ADAMTSL1: variants seen among roughly 807,000 people sequenced by gnomAD.
The protein encoded by ADAMTSL1 is ADAMTS-like protein 1.
A neutral mutation model predicts 201.8 loss-of-function variants in ADAMTSL1; 126 were observed. The observed-to-expected ratio is 0.62, with a 90% CI of 0.54 to 0.72. The LOEUF (loss-of-function observed/expected upper bound fraction) is 0.72, where lower values mean the gene tolerates loss of function less well. ADAMTSL1 is among the 30% of genes least tolerant of loss of function. The pLI is 0.00. For missense variants in ADAMTSL1, 2,679 were observed against 2,277.8 expected (o/e 1.18, Z -3.59); for synonymous variants, 1,121 against 903.4 (o/e 1.24, Z -4.32).
chr9:17,949,038 A>T (rs1827624901), intron 1 of ADAMTSL1, among the ~76,000 whole-genome samples: 1 of 152,204 alleles, frequency 6.6e-6, no homozygotes, highest in African/African-American at 2.4e-5. Flanking sequence ...TGTAAGAGGG[A>T]TATAGTGGCC....
intron 15 of ADAMTSL1, among the ~76,000 whole-genome samples, chr9:18,752,701 C>T (rs1388393307): frequency 1.3e-5 from 2 of 152,216 alleles, no homozygotes; most frequent in Non-Finnish European, 2.9e-5. Context: ...CACTTTACTT[C>T]CCTTCAAAAA....
At chr9:18,209,584 C>T (rs186001988) in intron 2 of ADAMTSL1, among the ~76,000 whole-genome samples, 1 of 152,160 alleles carries the variant, frequency 6.6e-6, no homozygotes, top group Admixed American at 6.5e-5. Context: ...AGTAAACCAC[C>T]TGAATTCAGT....
intron 1 of ADAMTSL1, among the ~76,000 whole-genome samples, chr9:17,912,946 CT>C (rs901574951): frequency 1.3e-5 from 2 of 152,130 alleles, no homozygotes; most frequent in African/African-American, 4.8e-5. Context: ...GTAGGGAATC[CT>C]TTCCCCATTG....
At chr9:18,035,334 C>T (rs1447081304) in intron 1 of ADAMTSL1, among the ~76,000 whole-genome samples, 1 of 152,140 alleles carries the variant, frequency 6.6e-6, no homozygotes, top group Non-Finnish European at 1.5e-5. Context: ...TGATGTGCTT[C>T]AATTGAAGTG....
chr9:18,692,626 CAT>C (rs1204349217), intron 13 of ADAMTSL1, among the ~76,000 whole-genome samples: 5 of 152,126 alleles, frequency 3.3e-5, no homozygotes, highest in Admixed American at 1.3e-4. Context: ...CTTTGCCAAA[CAT>C]GTTGAATTAA....
intron 2 of ADAMTSL1, among the ~76,000 whole-genome samples, chr9:18,219,107 A>G (rs1298661487): frequency 2.0e-5 from 3 of 151,670 alleles, no homozygotes; most frequent in African/African-American, 4.8e-5. Flanking sequence ...ACTGGTGCCA[A>G]TATTACATTT....
At chr9:18,286,562 G>GAAACACATTTCTTTTTAGTCT (rs1563858992) in intron 2 of ADAMTSL1, among the ~76,000 whole-genome samples, 4 of 126,720 alleles carry the variant, frequency 3.2e-5, no homozygotes, top group South Asian at 6.1e-4. Context: ...TGTTTCTATA[G>GAAACACATTTCTTTTTAGTCT]CAGTTTATGG....
chr9:18,072,724 G>T (rs1013137732), intron 1 of ADAMTSL1, among the ~76,000 whole-genome samples: 3 of 152,126 alleles, frequency 2.0e-5, no homozygotes, highest in Admixed American at 6.5e-5. Context: ...TTTTTGTAGG[G>T]CCCACTTCGT....
chr9:18,764,972 C>CAAT (rs1334631295), intron 16 of ADAMTSL1, among the ~76,000 whole-genome samples: 1 of 152,144 alleles, frequency 6.6e-6, no homozygotes, highest in Non-Finnish European at 1.5e-5. Context: ...CTCTATAGTA[C>CAAT]AATTTTATTA....
chr9:18,289,329 G>C (rs1223223524), intron 2 of ADAMTSL1, among the ~76,000 whole-genome samples: 1 of 152,108 alleles, frequency 6.6e-6, no homozygotes, highest in Non-Finnish European at 1.5e-5. Context: ...TGAGTTTGGA[G>C]GGCTAAGAAG....
chr9:18,532,608 C>T (rs1439695735), intron 2 of ADAMTSL1, among the ~76,000 whole-genome samples: 1 of 151,662 alleles, frequency 6.6e-6, no homozygotes, highest in African/African-American at 2.4e-5. Context: ...AAACAGGCTA[C>T]AAAATTGCGT....
intron 2 of ADAMTSL1, among the ~76,000 whole-genome samples, chr9:18,279,655 A>G (rs1359553316): frequency 6.6e-6 from 1 of 152,066 alleles, no homozygotes; most frequent in Non-Finnish European, 1.5e-5. Flanking sequence ...CACAACTTAG[A>G]TAATTCAAAA....
intron 7 of ADAMTSL1, among the ~76,000 whole-genome samples, chr9:18,648,157 C>G (rs1229922884): frequency 1.4e-5 from 2 of 141,918 alleles, no homozygotes; most frequent in African/African-American, 2.5e-5. Flanking sequence ...TTCTTTGTCT[C>G]TTTTGATCTT....
At chr9:18,866,400 C>G (rs1161660814) in intron 23 of ADAMTSL1, among the ~76,000 whole-genome samples, 1 of 152,094 alleles carries the variant, frequency 6.6e-6, no homozygotes, top group African/African-American at 2.4e-5. Context: ...ATTCTGAACA[C>G]AAAGTTTTTA....
At chr9:18,327,928 G>A (rs1038172145) in intron 2 of ADAMTSL1, among the ~76,000 whole-genome samples, 1 of 152,028 alleles carries the variant, frequency 6.6e-6, no homozygotes, top group African/African-American at 2.4e-5. Flanking sequence ...ATTTAAGATG[G>A]TTTTCCTGTT....
chr9:18,579,442 A>C (rs898883306), intron 4 of ADAMTSL1, among the ~76,000 whole-genome samples: 4 of 151,414 alleles, frequency 2.6e-5, no homozygotes, highest in Admixed American at 6.6e-5. Context: ...ACATGTATAC[A>C]TATGTAACTA....
chr9:18,110,039 C>T (rs549861), intron 1 of ADAMTSL1, among the ~76,000 whole-genome samples: 20,739 of 152,224 alleles, frequency 0.14, 1,482 homozygotes, highest in East Asian at 0.22. Context: ...CTCCCCAAGC[C>T]TAGCCCCACA....
intron 2 of ADAMTSL1, among the ~76,000 whole-genome samples, chr9:18,422,818 C>G (rs1819022414): frequency 6.6e-6 from 1 of 152,138 alleles, no homozygotes; most frequent in African/African-American, 2.4e-5. Context: ...TCTTGTATGT[C>G]TTCCCATCCC....
intron 1 of ADAMTSL1, among the ~76,000 whole-genome samples, chr9:17,966,251 G>GT (rs1487992793): frequency 6.6e-6 from 1 of 152,142 alleles, no homozygotes; most frequent in Non-Finnish European, 1.5e-5. Context: ...AGTAAGTATA[G>GT]TAAGTGCTAT....
Sources: allele counts gnomAD v4.1 joint callset (sites outside exome capture counted in the v4.1 genomes callset), GRCh38; gene constraint gnomAD v4.1.1; transcripts MANE v1.5; gene names NCBI Gene and HGNC (gene_info 2026-07-23, HGNC 2026-07-21).